The following CELF2 variants were observed in gnomAD, a reference collection of about 807,000 sequenced individuals.
The protein encoded by CELF2 is CUGBP Elav-like family member 2.
Under a neutral mutation model 62.6 loss-of-function variants are expected in CELF2, and 8 were observed. That is an observed-to-expected ratio of 0.13 (90% CI 0.07 to 0.23). The LOEUF (loss-of-function observed/expected upper bound fraction) is 0.23, where lower values mean the gene tolerates loss of function less well. Ranked by LOEUF, CELF2 falls within the 10% of genes least tolerant of loss-of-function variation. CELF2 has a pLI of 1.00. For missense variants in CELF2, 333 were observed against 671.0 expected (o/e 0.50, Z 5.56); for synonymous variants, 258 against 250.0 (o/e 1.03, Z -0.30).
chr10:11,113,749 T>C (rs2055848526), intron 1 of CELF2, among the ~76,000 whole-genome samples: 1 of 152,162 alleles, frequency 6.6e-6, no homozygotes, highest in South Asian at 2.1e-4. Context: ...TCTGCCTGTA[T>C]GGATTTGCAT....
chr10:10,672,117 A>G, the CELF2 span, among the ~76,000 whole-genome samples: 2 of 152,236 alleles, frequency 1.3e-5, no homozygotes, highest in South Asian at 4.2e-4. Context: ...TAGTTTTAAG[A>G]GTTCTTTATA....
At chr10:10,912,269 C>T (rs753016885) in intron 1 of CELF2, among the ~76,000 whole-genome samples, 1 of 152,212 alleles carries the variant, frequency 6.6e-6, no homozygotes, top group Non-Finnish European at 1.5e-5. Flanking sequence ...TTACTTTCTA[C>T]CCCGCTACCT....
chr10:10,554,340 G>A, the CELF2 span, among the ~76,000 whole-genome samples: 239 of 152,170 alleles, frequency 1.6e-3, 1 homozygote, highest in Non-Finnish European at 2.9e-3. Context: ...GAGAGCATGC[G>A]TTCCTGAGCC....
chr10:10,745,284 C>T, the CELF2 span, among the ~76,000 whole-genome samples: 1 of 152,100 alleles, frequency 6.6e-6, no homozygotes, highest in South Asian at 2.1e-4. Flanking sequence ...ATTTATTGGT[C>T]ACAGCTGCTG....
At chr10:10,630,438 T>C in the CELF2 span, among the ~76,000 whole-genome samples, 1 of 152,206 alleles carries the variant, frequency 6.6e-6, no homozygotes, top group Non-Finnish European at 1.5e-5. Flanking sequence ...CAGAGACCAC[T>C]GGGATCTCTA....
chr10:10,489,042 A>G, the CELF2 span, among the ~76,000 whole-genome samples: 1 of 152,060 alleles, frequency 6.6e-6, no homozygotes, highest in African/African-American at 2.4e-5. Context: ...ATATCAATGT[A>G]ATTTCAGCGA....
the CELF2 span, among the ~76,000 whole-genome samples, chr10:10,755,727 A>C: frequency 2.0e-5 from 3 of 152,172 alleles, no homozygotes; most frequent in Non-Finnish European, 4.4e-5. Flanking sequence ...CCTATGCTGG[A>C]TCTTAGTACA....
intron 1 of CELF2, among the ~76,000 whole-genome samples, chr10:10,883,687 G>T (rs1047077627): frequency 6.6e-5 from 10 of 152,296 alleles, no homozygotes; most frequent in Middle Eastern, 3.4e-3. Context: ...GCGGAGTCCT[G>T]TGGTAGTGAG....
At chr10:11,009,530 T>G (rs979502410) in intron 1 of CELF2, among the ~76,000 whole-genome samples, 1 of 152,180 alleles carries the variant, frequency 6.6e-6, no homozygotes, top group Admixed American at 6.5e-5. Flanking sequence ...CTTCTGAGTG[T>G]GTGACTGATC....
intron 4 of CELF2, among the ~76,000 whole-genome samples, chr10:11,253,577 A>G (rs2077769914): frequency 6.6e-6 from 1 of 152,262 alleles, no homozygotes; most frequent in Non-Finnish European, 1.5e-5. Flanking sequence ...AAAGTTGTTA[A>G]TTAATTCAGG....
At chr10:10,561,510 A>G in the CELF2 span, among the ~76,000 whole-genome samples, 2 of 152,248 alleles carry the variant, frequency 1.3e-5, no homozygotes, top group Admixed American at 6.5e-5. Context: ...GTCCTGAGTG[A>G]TCTTCAATAA....
intron 3 of CELF2, among the ~76,000 whole-genome samples, chr10:11,234,746 G>C (rs952594905): frequency 5.9e-5 from 9 of 151,776 alleles, no homozygotes; most frequent in African/African-American, 1.9e-4. Flanking sequence ...GAGGAGGCAG[G>C]GAGATCTTGA....
chr10:10,532,964 G>A, the CELF2 span, among the ~76,000 whole-genome samples: 1 of 151,886 alleles, frequency 6.6e-6, no homozygotes, highest in African/African-American at 2.4e-5. Context: ...GGGTTGATGG[G>A]AATTTTCATG....
chr10:10,616,349 G>T, the CELF2 span, among the ~76,000 whole-genome samples: 3 of 144,226 alleles, frequency 2.1e-5, no homozygotes, highest in Non-Finnish European at 3.0e-5. Context: ...TAAAATTTTA[G>T]AAAGCAAATT....
the CELF2 span, among the ~76,000 whole-genome samples, chr10:10,501,037 A>G: frequency 6.6e-6 from 1 of 152,098 alleles, no homozygotes; most frequent in Admixed American, 6.6e-5. Flanking sequence ...CAAACATCTG[A>G]GTGGTTTCTG....
chr10:11,160,774 A>T (rs2065543131), intron 1 of CELF2, among the ~76,000 whole-genome samples: 1 of 151,960 alleles, frequency 6.6e-6, no homozygotes, highest in African/African-American at 2.4e-5. Context: ...TTTAGTTTGC[A>T]TTCTGAAGAT....
intron 2 of CELF2, among the ~76,000 whole-genome samples, chr10:10,958,272 T>C (rs1444263095): frequency 6.6e-6 from 1 of 152,240 alleles, no homozygotes; most frequent in Non-Finnish European, 1.5e-5. Flanking sequence ...AGCTGAATTC[T>C]CTGGGATCTA....
At chr10:10,828,995 C>T (rs181281258) in intron 1 of CELF2, among the ~76,000 whole-genome samples, 1 of 152,144 alleles carries the variant, frequency 6.6e-6, no homozygotes, top group African/African-American at 2.4e-5. Context: ...GCATATATGT[C>T]CAAGACCAGA....
chr10:10,983,627 G>A lies in CELF2; in HGVS notation c.89+63628G>A, dbSNP rs1166155152. Among the ~76,000 whole-genome samples, 2 of 152,158 alleles carry A rather than the reference G, an allele frequency of 1.3e-5. No individual in the cohort carries two copies. The highest frequency in any genetic ancestry group is 3.8e-4 in the East Asian group (2 of 5,196). ...CTGCTGCCCAGGCTGGAGTGCAGTG[G>A]CACAATCTTGGCTCACTGCAACCTC... On this transcript the variant is annotated intron_variant, in intron 2 of 13. Coordinates refer to the CELF2 transcript ENST00000636488. This position sits in a 1 kb window ranked among gnomAD's most constrained non-coding sequence, Gnocchi z 5.2.
Sources: allele counts gnomAD v4.1 joint callset (sites outside exome capture counted in the v4.1 genomes callset), GRCh38; gene constraint gnomAD v4.1.1; non-coding constraint Gnocchi (gnomAD v3.1); transcripts MANE v1.5; gene names NCBI Gene and HGNC (gene_info 2026-07-23, HGNC 2026-07-21).